The following LOXL2 variants were observed in gnomAD, a reference collection of about 807,000 sequenced individuals.
LOXL2 encodes the protein lysyl oxidase homolog 2.
Under a neutral mutation model 93.0 loss-of-function variants are expected in LOXL2, and 70 were observed. That is an observed-to-expected ratio of 0.75 (90% confidence interval 0.62 to 0.92). The LOEUF (loss-of-function observed/expected upper bound fraction) is 0.92, where lower values mean the gene tolerates loss of function less well. Ranked by LOEUF, LOXL2 falls within the 40% of genes least tolerant of loss-of-function variation. LOXL2 has a pLI of 0.00. For synonymous variants in LOXL2, 438 were observed against 413.2 expected, an observed-to-expected ratio of 1.06 and a Z score of -0.73; for missense variants, 973 against 1,054.9, an observed-to-expected ratio of 0.92 and a Z score of 1.08.
intron 5 of LOXL2, among the ~76,000 whole-genome samples, chr8:23,331,172 A>G (rs981328924): frequency 2.0e-5 from 3 of 152,138 alleles, no homozygotes; most frequent in African/African-American, 4.8e-5. Context: ...AGGTCTCAAC[A>G]AAGAGGGGAG....
At chr8:23,314,280 A>G (rs1803359214) in intron 9 of LOXL2, among the ~76,000 whole-genome samples, 2 of 144,026 alleles carry the variant, frequency 1.4e-5, no homozygotes, top group South Asian at 2.4e-4. Flanking sequence ...TGACCCAGCC[A>G]TCCCATTACT....
intron 1 of LOXL2, among the ~76,000 whole-genome samples, chr8:23,375,845 C>T (rs10087553): frequency 0.59 from 89,189 of 151,944 alleles, 27,098 homozygotes; most frequent in African/African-American, 0.74. Context: ...TGGGCTGAGA[C>T]GATGGGGTTT....
At position 23,303,395 on chromosome 8, in the gene LOXL2, T is replaced by C. The variant is rs757299487; in HGVS notation, c.1883A>G (p.His628Arg). 3 of 1,582,358 alleles carry C rather than the reference T, an allele frequency of 1.9e-6. No individual in the cohort carries two copies. The highest frequency in any genetic ancestry group is 2.2e-5 in the South Asian group (2 of 90,480). ...GGTGAACACCTCCATGCTGTGGTAG[T>C]GCCTGGAGCGAGAGAGAGATGGCCT... ...HAWIWHDCHR[H>R]YHSMEVFTHY... The change falls in exon 11 of 14, where the codon CAC (histidine) becomes CGC (arginine). Residue 628 changes from histidine (H) to arginine (R), a missense_variant and splice_region_variant. His to Arg is a conservative substitution (Grantham distance 29). Coordinates refer to ENST00000389131, the MANE Select transcript of LOXL2 (RefSeq NM_002318.3).
chr8:23,391,122 C>G (rs959565585), intron 1 of LOXL2, among the ~76,000 whole-genome samples: 1 of 152,152 alleles, frequency 6.6e-6, no homozygotes, highest in Non-Finnish European at 1.5e-5. Flanking sequence ...CACTGGGTCC[C>G]TTCCACAACA....
At chr8:23,365,020 G>C (rs868250450) in intron 2 of LOXL2, 1 of 152,270 alleles carries the variant, frequency 6.6e-6, no homozygotes, top group Admixed American at 6.5e-5. Flanking sequence ...AACAGGGGTT[G>C]AGAATCAGGA....
intron 2 of LOXL2, among the ~76,000 whole-genome samples, chr8:23,360,940 C>T (rs977358729): frequency 1.5e-4 from 23 of 151,346 alleles, no homozygotes; most frequent in Admixed American, 1.2e-3. Flanking sequence ...CTTGCTCTGT[C>T]GCCAGGCTGG....
chr8:23,319,754 G>A, intron 8 of LOXL2, 131 bp downstream of exon 8: 1 of 1,007,376 alleles, frequency 9.9e-7, no homozygotes. Context: ...CCCTGCCTCT[G>A]GGTCCAGGGC....
At chr8:23,385,679 C>T in intron 1 of LOXL2, 1 of 501,074 alleles carries the variant, frequency 2.0e-6, no homozygotes, top group Non-Finnish European at 3.6e-6. Context: ...ATTTCATCCT[C>T]TCGTCTGGAT....
At chr8:23,337,969 C>T (rs375350345) in intron 4 of LOXL2, among the ~76,000 whole-genome samples, 15 of 152,236 alleles carry the variant, frequency 9.9e-5, no homozygotes, top group African/African-American at 3.1e-4. Flanking sequence ...AAGACATACC[C>T]GAGCCTGGGT....
At chr8:23,330,277 T>A (rs933827733) in intron 5 of LOXL2, among the ~76,000 whole-genome samples, 5 of 152,170 alleles carry the variant, frequency 3.3e-5, no homozygotes, top group Admixed American at 3.3e-4. Context: ...GAGCTTGCAG[T>A]GAGCCGAGAT....
intron 1 of LOXL2, among the ~76,000 whole-genome samples, chr8:23,387,683 C>T (rs1021482470): frequency 2.0e-5 from 3 of 152,212 alleles, no homozygotes; most frequent in African/African-American, 7.2e-5. Flanking sequence ...GGCACGGTGG[C>T]TCATGCCTGT....
chr8:23,329,842 G>A (rs1585352374), intron 5 of LOXL2, among the ~76,000 whole-genome samples: 1 of 152,188 alleles, frequency 6.6e-6, no homozygotes, highest in African/African-American at 2.4e-5. Context: ...TACCTTCAGC[G>A]GGATGGCATC....
chr8:23,393,241 C>G (rs1056104312), intron 1 of LOXL2, among the ~76,000 whole-genome samples: 1 of 152,182 alleles, frequency 6.6e-6, no homozygotes, highest in Non-Finnish European at 1.5e-5. Flanking sequence ...GTGCAAGAGA[C>G]CCAGATTAGC....
chr8:23,389,261 AG>A (rs1804807888), intron 1 of LOXL2, among the ~76,000 whole-genome samples: 3 of 152,192 alleles, frequency 2.0e-5, no homozygotes, highest in Admixed American at 2.0e-4. Flanking sequence ...CTGCCTAGGA[AG>A]GAATGTGAAA....
At chr8:23,388,513 G>C (rs1191182257) in intron 1 of LOXL2, among the ~76,000 whole-genome samples, 1 of 152,008 alleles carries the variant, frequency 6.6e-6, no homozygotes, top group Non-Finnish European at 1.5e-5. Context: ...GAGCCCAGGA[G>C]GTTGAGGCTG....
chr8:23,316,917 G>A, intron 9 of LOXL2, 32 bp downstream of exon 9: 1 of 1,544,582 alleles, frequency 6.5e-7, no homozygotes. Context: ...CCCCTTGGGA[G>A]CCCGGTGGGG....
chr8:23,398,591 C>T (rs1327635263), intron 1 of LOXL2, among the ~76,000 whole-genome samples: 1 of 152,160 alleles, frequency 6.6e-6, no homozygotes. Flanking sequence ...ATTTCTGCCA[C>T]AGAAAGTGCA....
intron 3 of LOXL2, among the ~76,000 whole-genome samples, chr8:23,350,827 G>A (rs1469147726): frequency 6.6e-6 from 1 of 152,130 alleles, no homozygotes; most frequent in African/African-American, 2.4e-5. Context: ...TTCCAAGCAG[G>A]CAGCCACTTG....
chr8:23,322,427 C>T, intron 6 of LOXL2, 146 bp from the exon 7 acceptor site: 1 of 638,714 alleles, frequency 1.6e-6, no homozygotes. Flanking sequence ...ATGACCCAAG[C>T]CTCTTCTCCC....
Sources: gnomAD v4.1 joint callset for allele counts (sites outside exome capture counted in the v4.1 genomes callset) on GRCh38, gnomAD v4.1.1 for gene constraint, MANE v1.5 for transcripts, NCBI Gene and HGNC (gene_info 2026-07-23, HGNC 2026-07-21) for gene names.